CPXM2: variants seen among roughly 807,000 people sequenced by gnomAD.
The protein encoded by CPXM2 is carboxypeptidase X, M14 family member 2, also known as inactive carboxypeptidase-like protein X2.
CPXM2 carries 66 observed loss-of-function variants against 86.1 expected under a neutral mutation model. The observed-to-expected ratio is 0.77, with a 90% CI of 0.63 to 0.94. The LOEUF (loss-of-function observed/expected upper bound fraction) is 0.94. Ranked by LOEUF, CPXM2 falls within the 40% of genes least tolerant of loss-of-function variation. The pLI is 0.00. For missense variants in CPXM2, 948 were observed against 1,026.3 expected (o/e 0.92, Z 1.04); for synonymous variants, 388 against 400.2 (o/e 0.97, Z 0.36).
intron 2 of CPXM2, among the ~76,000 whole-genome samples, chr10:123,898,169 A>G (rs1044670584): frequency 2.6e-5 from 4 of 152,222 alleles, no homozygotes; most frequent in Non-Finnish European, 5.9e-5. Flanking sequence ...TAATGAACCT[A>G]ATGACTTTGA....
intron 12 of CPXM2, among the ~76,000 whole-genome samples, chr10:123,756,708 A>G (rs1846221491): frequency 2.0e-5 from 3 of 152,314 alleles, no homozygotes; most frequent in Admixed American, 6.5e-5. Context: ...CCTCCTAAGA[A>G]GAGGAAATTT....
chr10:123,904,753 C>T (rs769901285), intron 2 of CPXM2, among the ~76,000 whole-genome samples: 1 of 152,184 alleles, frequency 6.6e-6, no homozygotes, highest in African/African-American at 2.4e-5. Context: ...CACTCTTGTG[C>T]ATTCACACAT....
chr10:123,782,745 T>C (rs1241700743), intron 6 of CPXM2, among the ~76,000 whole-genome samples: 1 of 152,150 alleles, frequency 6.6e-6, no homozygotes, highest in African/African-American at 2.4e-5. Context: ...TCAGAGTTGT[T>C]TGAACCAGAG....
At chr10:123,818,596 C>CA (rs1230444159) in intron 4 of CPXM2, among the ~76,000 whole-genome samples, 5 of 152,356 alleles carry the variant, frequency 3.3e-5, no homozygotes, top group African/African-American at 1.2e-4. Flanking sequence ...TATCCACTGT[C>CA]ACGGTATTCT....
At chr10:123,834,854 A>T (rs1848247596) in intron 4 of CPXM2, among the ~76,000 whole-genome samples, 1 of 152,076 alleles carries the variant, frequency 6.6e-6, no homozygotes, top group African/African-American at 2.4e-5. Flanking sequence ...AGTTTCCCCA[A>T]GCTTCCATGA....
At chr10:123,761,254 C>T (rs1055838697) in intron 11 of CPXM2, among the ~76,000 whole-genome samples, 10 of 152,168 alleles carry the variant, frequency 6.6e-5, no homozygotes, top group African/African-American at 1.4e-4. Flanking sequence ...ATGAGTGTGA[C>T]GGGCCGTCCC....
At chr10:123,772,320 T>G (rs1010783508) in intron 7 of CPXM2, among the ~76,000 whole-genome samples, 1 of 152,092 alleles carries the variant, frequency 6.6e-6, no homozygotes, top group South Asian at 2.1e-4. Context: ...ACCTCCCTGG[T>G]CATGGTTATC....
At chr10:123,773,307 C>T (rs61863762) in intron 7 of CPXM2, among the ~76,000 whole-genome samples, 35 of 90,886 alleles carry the variant, frequency 3.9e-4, no homozygotes, top group Middle Eastern at 9.6e-3. Context: ...CTTCCCTGGT[C>T]GTGGTTATCA....
chr10:123,804,464 A>AT (rs1478802883), intron 4 of CPXM2, among the ~76,000 whole-genome samples: 23 of 152,140 alleles, frequency 1.5e-4, no homozygotes, highest in Admixed American at 1.4e-3. Flanking sequence ...TTTTTAAATG[A>AT]TTTTACATGG....
At chr10:123,873,515 C>T (rs116949140) in intron 2 of CPXM2, among the ~76,000 whole-genome samples, 3,066 of 152,214 alleles carry the variant, frequency 0.02, 48 homozygotes, top group Middle Eastern at 0.037. Flanking sequence ...AACTTGACTA[C>T]ATGATGTAAA....
intron 4 of CPXM2, among the ~76,000 whole-genome samples, chr10:123,830,872 CTGTGTGTGTGTGTGTGTG>C (rs34599295): frequency 2.1e-5 from 3 of 142,716 alleles, no homozygotes; most frequent in Non-Finnish European, 4.6e-5. Context: ...CTCTCTCTCT[CTGTGTGTGTGTGTGTGTG>C]TGTGTGTGTG....
intron 10 of CPXM2, 26 bp from the exon 11 acceptor site, chr10:123,762,195 A>T: frequency 6.2e-7 from 1 of 1,614,078 alleles, no homozygotes; most frequent in South Asian, 1.1e-5. Context: ...ATGGACGAGT[A>T]AAATAAGCAG....
intron 3 of CPXM2, among the ~76,000 whole-genome samples, chr10:123,854,855 T>C (rs1464868292): frequency 6.6e-6 from 1 of 152,006 alleles, no homozygotes; most frequent in Admixed American, 6.6e-5. Context: ...TGAAATTTAA[T>C]AACATATTAA....
intron 8 of CPXM2, among the ~76,000 whole-genome samples, chr10:123,769,923 A>C (rs1366733969): frequency 6.6e-6 from 1 of 152,224 alleles, no homozygotes; most frequent in Non-Finnish European, 1.5e-5. Flanking sequence ...CCTCATTGGC[A>C]AAGCTGCTGC....
intron 1 of CPXM2, among the ~76,000 whole-genome samples, chr10:123,883,635 C>T (rs890658766): frequency 7.9e-5 from 12 of 152,202 alleles, no homozygotes; most frequent in South Asian, 2.1e-4. Context: ...AAAATTGACA[C>T]GGCATTTTCA....
In CPXM2 at chr10:123,936,310, T is replaced by A. The variant is rs577319140; in HGVS notation, n.174+3167A>T. ...CTCCAGACCATCCTGTAAACCATTA[T>A]GCCTTATTGTCTCCCCAAAATCAAT... On this transcript the variant is annotated intron_variant and non_coding_transcript_variant, in intron 2 of 19. Transcript: ENST00000368854. Among the ~76,000 whole-genome samples, 4 of 152,330 alleles carry A rather than the reference T, an allele frequency of 2.6e-5. No homozygotes were observed. In the East Asian group the frequency reaches 7.7e-4, roughly 29 times the overall value.
chr10:123,789,294 G>T (rs1360990147), intron 6 of CPXM2, among the ~76,000 whole-genome samples: 1 of 152,186 alleles, frequency 6.6e-6, no homozygotes, highest in Admixed American at 6.5e-5. Context: ...CCCTCAGAGG[G>T]GGCAGCACAA....
intron 4 of CPXM2, among the ~76,000 whole-genome samples, chr10:123,800,526 G>A (rs1046318423): frequency 2.6e-5 from 4 of 152,060 alleles, no homozygotes; most frequent in Non-Finnish European, 4.4e-5. Context: ...AATAATTTCC[G>A]AATGACTTGT....
intron 2 of CPXM2, chr10:123,913,878 C>G: frequency 5.0e-6 from 2 of 401,292 alleles, no homozygotes; most frequent in Non-Finnish European, 1.0e-5. Flanking sequence ...TCAGGAGGCA[C>G]CCCCCTCCCA....
Sources: allele counts gnomAD v4.1 joint callset (sites outside exome capture counted in the v4.1 genomes callset), GRCh38; gene constraint gnomAD v4.1.1; transcripts MANE v1.5; gene names NCBI Gene and HGNC (gene_info 2026-07-23, HGNC 2026-07-21).